Variants in MARCHF8 observed in about 807,000 individuals in gnomAD.
MARCHF8 encodes membrane associated ring-CH-type finger 8, also known as E3 ubiquitin-protein ligase MARCHF8.
In MARCHF8, 40 loss-of-function variants were observed where a neutral mutation model predicts 51.6. The observed-to-expected ratio is 0.77, with a 90% CI of 0.60 to 1.01. The LOEUF is 1.01. Among genes scored for constraint, MARCHF8 ranks in the 50% least tolerant of loss-of-function variants. The pLI is 0.00. For synonymous variants in MARCHF8, 263 were observed against 280.3 expected, an observed-to-expected ratio of 0.94 and a Z score of 0.62; for missense variants, 685 against 708.6, an observed-to-expected ratio of 0.97 and a Z score of 0.38.
At chr10:45,538,582 T>C (rs1327173635), upstream of MARCHF8, among the ~76,000 whole-genome samples, 3 of 152,058 alleles carry the variant, frequency 2.0e-5, no homozygotes, top group South Asian at 2.1e-4. Context: ...ATCTCACGTG[T>C]AGAGACACAC....
chr10:45,572,148 TG>T (rs1266169693), intron 1 of MARCHF8, among the ~76,000 whole-genome samples: 3 of 140,952 alleles, frequency 2.1e-5, no homozygotes, highest in Admixed American at 2.1e-4. Context: ...TCCACTTTCC[TG>T]GGGGGCAAGC....
At chr10:45,486,804 CTTTT>C (rs34757159) in intron 3 of MARCHF8, among the ~76,000 whole-genome samples, 2 of 94,580 alleles carry the variant, frequency 2.1e-5, no homozygotes, top group East Asian at 3.1e-4. Context: ...TATTACCCTA[CTTTT>C]TTTTTTTTTT....
At chr10:45,567,523 T>C (rs1451591033) in intron 1 of MARCHF8, among the ~76,000 whole-genome samples, 1 of 152,204 alleles carries the variant, frequency 6.6e-6, no homozygotes, top group Non-Finnish European at 1.5e-5. Flanking sequence ...GCACGATTTA[T>C]TGAAGAGACT....
Position 45,480,663 on chromosome 10 carries a change from G to A in MARCHF8, c.153+8704C>T, listed in dbSNP as rs184679508. On this transcript the variant is annotated intron_variant, in intron 3 of 7. Transcript: ENST00000453424. The stretch of plus-strand genomic sequence containing the variant: ...AGCTTCCATGTGGTGTTGAGCCTGC[G>A]GGTACACAAATGTCAAGAATTGAGA... Among the ~76,000 whole-genome samples the A allele has an allele frequency of 3.0e-4, 46 of 152,294 alleles. No individual in the cohort carries two copies. In the East Asian group the frequency reaches 6.0e-3, roughly 20 times the overall value.
chr10:45,530,259 T>C (rs2043855977), intron 2 of MARCHF8, among the ~76,000 whole-genome samples: 1 of 152,046 alleles, frequency 6.6e-6, no homozygotes, highest in Non-Finnish European at 1.5e-5. Context: ...AGTGGAATAA[T>C]AACATTGGAG....
intron 2 of MARCHF8, among the ~76,000 whole-genome samples, chr10:45,490,907 A>G (rs1445002170): frequency 6.6e-6 from 1 of 152,028 alleles, no homozygotes; most frequent in African/African-American, 2.4e-5. Flanking sequence ...CTGACTAAAT[A>G]CTTTTTGTGG....
At chr10:45,487,273 G>A (rs1303946202) in intron 3 of MARCHF8, among the ~76,000 whole-genome samples, 2 of 152,096 alleles carry the variant, frequency 1.3e-5, no homozygotes, top group Non-Finnish European at 2.9e-5. Flanking sequence ...GACTTTTTAA[G>A]ATGGTGGTTT....
At chr10:45,593,013 A>C (rs1393835635) in intron 1 of MARCHF8, among the ~76,000 whole-genome samples, 1 of 152,156 alleles carries the variant, frequency 6.6e-6, no homozygotes, top group African/African-American at 2.4e-5. Flanking sequence ...TAGAATAGTA[A>C]TCAATCCAAT....
intron 3 of MARCHF8, among the ~76,000 whole-genome samples, chr10:45,477,245 A>G (rs1043668750): frequency 6.6e-6 from 1 of 152,240 alleles, no homozygotes; most frequent in Non-Finnish European, 1.5e-5. Context: ...CATCCAAGTT[A>G]TCACTCATAA....
intron 2 of MARCHF8, among the ~76,000 whole-genome samples, chr10:45,503,338 C>A (rs2043315904): frequency 6.6e-6 from 1 of 151,974 alleles, no homozygotes; most frequent in South Asian, 2.1e-4. Flanking sequence ...GGGATCAAGA[C>A]CATCCTGGCC....
At chr10:45,562,139 A>C (rs750896496) in intron 1 of MARCHF8, among the ~76,000 whole-genome samples, 1 of 152,172 alleles carries the variant, frequency 6.6e-6, no homozygotes, top group Admixed American at 6.5e-5. Flanking sequence ...AAAGAGATTA[A>C]GGGACATAAA....
At chr10:45,541,461 C>A (rs1428953896) in intron 1 of MARCHF8, among the ~76,000 whole-genome samples, 1 of 152,042 alleles carries the variant, frequency 6.6e-6, no homozygotes, top group African/African-American at 2.4e-5. Context: ...AGGAGATATA[C>A]CTAATGTAAA....
intron 1 of MARCHF8, among the ~76,000 whole-genome samples, chr10:45,572,371 C>T (rs1189477388): frequency 6.6e-6 from 1 of 151,874 alleles, no homozygotes; most frequent in Non-Finnish European, 1.5e-5. Flanking sequence ...TCCATTCCTC[C>T]TTCTTCTCCC....
chr10:45,580,755 TAA>T (rs1229948858), intron 1 of MARCHF8, among the ~76,000 whole-genome samples: 1 of 152,198 alleles, frequency 6.6e-6, no homozygotes, highest in African/African-American at 2.4e-5. Flanking sequence ...TGAGACAATA[TAA>T]AGATACCACA....
chr10:45,589,220 G>A (rs1187059471), intron 1 of MARCHF8, among the ~76,000 whole-genome samples: 2 of 152,010 alleles, frequency 1.3e-5, no homozygotes, highest in Non-Finnish European at 2.9e-5. Context: ...GCTTAGCTGG[G>A]TACTTCTGGG....
At chr10:45,508,368 T>C (rs569890746) in intron 2 of MARCHF8, among the ~76,000 whole-genome samples, 51 of 151,594 alleles carry the variant, frequency 3.4e-4, no homozygotes, top group Non-Finnish European at 6.3e-4. Flanking sequence ...TGGAAACAAT[T>C]GTGTTTGTTA....
chr10:45,472,487 C>CA (rs900032037), intron 3 of MARCHF8, among the ~76,000 whole-genome samples: 1 of 152,170 alleles, frequency 6.6e-6, no homozygotes, highest in African/African-American at 2.4e-5. Flanking sequence ...GAGGCCCTCA[C>CA]AAAAAGCTTT....
At chr10:45,574,473 G>T (rs189492870) in intron 1 of MARCHF8, among the ~76,000 whole-genome samples, 33 of 151,904 alleles carry the variant, frequency 2.2e-4, no homozygotes, top group African/African-American at 7.7e-4. Flanking sequence ...TTCTTTACTA[G>T]TCCTTTGCAC....
chr10:45,568,330 G>A (rs1010427197), intron 1 of MARCHF8, among the ~76,000 whole-genome samples: 1 of 152,112 alleles, frequency 6.6e-6, no homozygotes, highest in East Asian at 1.9e-4. Context: ...GGTGACAGTG[G>A]GCATCCTTGT....
Sources: allele counts gnomAD v4.1 joint callset (sites outside exome capture counted in the v4.1 genomes callset), GRCh38; gene constraint gnomAD v4.1.1; transcripts MANE v1.5; gene names NCBI Gene and HGNC (gene_info 2026-07-23, HGNC 2026-07-21).